The following VGLL3 variants were observed in gnomAD, a reference collection of about 807,000 sequenced individuals.
The protein encoded by VGLL3 is transcription cofactor vestigial-like protein 3.
In VGLL3, 18 loss-of-function variants were observed where a neutral mutation model predicts 29.2. The ratio of observed to expected loss-of-function variants is 0.62; its 90% CI spans 0.43 to 0.91. The LOEUF (loss-of-function observed/expected upper bound fraction) is 0.91, where lower values mean the gene tolerates loss of function less well. Among genes scored for constraint, VGLL3 ranks in the 40% least tolerant of loss-of-function variants. The probability of loss-of-function intolerance (pLI) is 0.00; values close to 1 mark genes in which losing one functional copy is unlikely to be tolerated. For synonymous variants in VGLL3, 180 were observed against 151.8 expected (o/e 1.19, Z -1.36); for missense variants, 440 against 413.2 (o/e 1.06, Z -0.56).
rs1452837552 is a variant in VGLL3 at position 86,944,310 on chromosome 3, C to T, written c.*2714G>A. On this transcript the variant is annotated 3_prime_UTR_variant, in exon 4 of 4. Coordinates refer to ENST00000398399, the MANE Select transcript of VGLL3 (RefSeq NM_016206.4). ...CTGGAGTACAGTGGTGCAATCACAG[C>T]TCACTGCAAGCTGCAAACTCAAACT... 1 of 152,586 alleles carries T rather than the reference C, an allele frequency of 6.6e-6. No homozygotes were observed. Among genetic ancestry groups the T allele is most frequent in the East Asian group, 1.9e-4 (1 of 5,196 alleles). 9.5% of individuals were successfully genotyped at this position (152,586 alleles called of 1,614,324 possible).
chr3:86,984,349 T>C (rs1705390505), intron 1 of VGLL3, among the ~76,000 whole-genome samples: 1 of 152,204 alleles, frequency 6.6e-6, no homozygotes, highest in South Asian at 2.1e-4. Flanking sequence ...GAAAATAATA[T>C]AACTTAACAG....
At chr3:86,958,671 G>A (rs1263513191) in intron 3 of VGLL3, among the ~76,000 whole-genome samples, 3 of 152,164 alleles carry the variant, frequency 2.0e-5, no homozygotes, top group Non-Finnish European at 4.4e-5. Flanking sequence ...GAAACTGACA[G>A]CAATGCTCTG....
At chr3:86,953,880 C>A (rs954007655) in intron 3 of VGLL3, among the ~76,000 whole-genome samples, 3 of 152,100 alleles carry the variant, frequency 2.0e-5, no homozygotes, top group Non-Finnish European at 4.4e-5. Context: ...ATTTAATATG[C>A]AAATTTTGAA....
In VGLL3 at chr3:86,990,641, G is replaced by T. The variant is rs907135851; in HGVS notation, c.103C>A (p.Pro35Thr). Residue 35 changes from proline (P) to threonine (T), a missense_variant, in exon 1 of 4, where the codon CCG (proline) becomes ACG (threonine). Coordinates refer to ENST00000398399, the MANE Select transcript of VGLL3 (RefSeq NM_016206.4). ...ATTCPTAYYQ[P>T]APQPGQQKKL... The stretch of plus-strand genomic sequence containing the variant: ...ACCTGCTGGCCAGGTTGGGGCGCCG[G>T]CTGATAGTAGGCTGTGGGGCAGGTT... 3 of 1,376,868 alleles carry T rather than the reference G, an allele frequency of 2.2e-6. No individual in the cohort carries two copies. The highest frequency in any genetic ancestry group is 6.0e-5 in the Admixed American group (2 of 33,478). The allele number at this position is 1,376,868 out of a possible 1,614,324, so 85.3% of individuals were successfully genotyped here.
chr3:86,980,332 CT>C (rs1313972612), intron 1 of VGLL3, among the ~76,000 whole-genome samples: 2 of 152,016 alleles, frequency 1.3e-5, no homozygotes, highest in African/African-American at 2.4e-5. Context: ...TCCCTTTCCC[CT>C]AGCAGTGAAT....
At chr3:86,958,208 T>G (rs1704764672) in intron 3 of VGLL3, among the ~76,000 whole-genome samples, 1 of 152,156 alleles carries the variant, frequency 6.6e-6, no homozygotes, top group South Asian at 2.1e-4. Flanking sequence ...AACATTTTTG[T>G]ACACATATCA....
chr3:86,949,871 G>T lies in VGLL3; in HGVS notation c.938-2804C>A, dbSNP rs72916052. ...AAGAAAAGAAAAGAAAGAAAAGCAG[G>T]GCTACAATTTTTTCTTATTAAGACA... On this transcript the variant is annotated intron_variant, in intron 3 of 3. Coordinates refer to ENST00000398399, the MANE Select transcript of VGLL3 (RefSeq NM_016206.4). Among the ~76,000 whole-genome samples the T allele has an allele frequency of 2.3e-3, 342 of 151,652 alleles. 1 individual carries two copies. Among genetic ancestry groups the T allele is most frequent in the African/African-American group, 7.6e-3 (316 of 41,350 alleles).
intron 3 of VGLL3, 40 bp downstream of exon 3, chr3:86,968,550 C>T: frequency 6.4e-7 from 1 of 1,551,064 alleles, no homozygotes. Context: ...CTTAAATTAA[C>T]TTTATCTTGT....
Position 86,968,840 on chromosome 3 carries a change from G to A in VGLL3, c.687C>T (p.His229=). The change falls in exon 3 of 4, where the codon CAC becomes CAT. Residue 229 remains histidine (H), a synonymous_variant. Coordinates refer to ENST00000398399, the MANE Select transcript of VGLL3 (RefSeq NM_016206.4). ...GGTGCATGTGGGCATGAGGGTGGTGGTGCCGCATGTACACGTCATGCATAT... is the reference window on the plus strand; with the variant it reads ...GGTGCATGTGGGCATGAGGGTGGTGATGCCGCATGTACACGTCATGCATAT... The part of the protein sequence containing the change: ...YSHMHDVYMR[H]HHPHAHMHHR... 6.2e-7 allele frequency: 1 copy of A among 1,614,172 alleles called. No individual in the cohort carries two copies. Among genetic ancestry groups the A allele is most frequent in the South Asian group, 1.1e-5 (1 of 91,076 alleles).
chr3:86,962,705 A>G (rs190960005), intron 3 of VGLL3: 1 of 793,870 alleles, frequency 1.3e-6, no homozygotes, highest in Admixed American at 6.2e-5. Flanking sequence ...AGAGAATTAA[A>G]CACACATTTA....
chr3:86,955,542 A>AC (rs1488701178), intron 3 of VGLL3, among the ~76,000 whole-genome samples: 1 of 151,876 alleles, frequency 6.6e-6, no homozygotes, highest in Non-Finnish European at 1.5e-5. Context: ...GGTGTGTGCC[A>AC]CCCCGCCTGG....
intron 3 of VGLL3, among the ~76,000 whole-genome samples, chr3:86,964,264 G>A (rs1251653498): frequency 2.0e-5 from 3 of 152,156 alleles, no homozygotes; most frequent in African/African-American, 7.2e-5. Context: ...TTAGGTAGTG[G>A]TAACAGAGAC....
chr3:86,960,317 T>G (rs1026719544), intron 3 of VGLL3, among the ~76,000 whole-genome samples: 2 of 152,148 alleles, frequency 1.3e-5, no homozygotes, highest in African/African-American at 4.8e-5. Flanking sequence ...TACCACTTAA[T>G]GTGATTCTGT....
intron 3 of VGLL3, among the ~76,000 whole-genome samples, chr3:86,958,234 ATT>A (rs891675464): frequency 1.3e-5 from 2 of 151,988 alleles, no homozygotes; most frequent in African/African-American, 4.8e-5. Context: ...TGCTGCTTCT[ATT>A]TATGGGAGGT....
chr3:86,990,966 C>A lies in VGLL3; in HGVS notation c.-223G>T. 3.8e-6 allele frequency: 4 copies of A among 1,046,088 alleles called. No homozygotes were observed. Among genetic ancestry groups the A allele is most frequent in the Non-Finnish European group, 4.6e-6 (4 of 867,126 alleles). 64.8% of individuals were successfully genotyped at this position (1,046,088 alleles called of 1,614,324 possible). A position where few individuals can be genotyped will look rare whatever the true frequency, so the allele number is the denominator to read the frequency against. ...ATGCGCGGGCACCTTCATCTTCAGC[C>A]CCTCCGGATGTTCCCTGCCGCGCTT... On this transcript the variant is annotated 5_prime_UTR_variant, in exon 1 of 4. Transcript: ENST00000398399.
intron 1 of VGLL3, among the ~76,000 whole-genome samples, chr3:86,986,032 C>G (rs950623794): frequency 1.6e-5 from 2 of 122,164 alleles, no homozygotes; most frequent in Non-Finnish European, 3.8e-5. Flanking sequence ...TATATATATA[C>G]ACACACACAC....
intron 3 of VGLL3, among the ~76,000 whole-genome samples, chr3:86,966,133 C>T (rs1021331644): frequency 2.0e-5 from 3 of 152,058 alleles, no homozygotes; most frequent in South Asian, 2.1e-4. Flanking sequence ...CTGCTTGTGC[C>T]TTTTGTAGGG....
chr3:86,948,852 C>A (rs1704558344), intron 3 of VGLL3, among the ~76,000 whole-genome samples: 1 of 152,156 alleles, frequency 6.6e-6, no homozygotes, highest in Non-Finnish European at 1.5e-5. Context: ...GTATGTCAAT[C>A]CACTCTAAGT....
chr3:86,985,240 A>C (rs62257352), intron 1 of VGLL3, among the ~76,000 whole-genome samples: 1 of 152,184 alleles, frequency 6.6e-6, no homozygotes, highest in African/African-American at 2.4e-5. Flanking sequence ...CCTACAGATC[A>C]TTGAAGAACA....
Sources: gnomAD v4.1 joint callset for allele counts (sites outside exome capture counted in the v4.1 genomes callset) on GRCh38, gnomAD v4.1.1 for gene constraint, MANE v1.5 for transcripts, NCBI Gene and HGNC (gene_info 2026-07-23, HGNC 2026-07-21) for gene names.